GAGE12J: variants seen among roughly 807,000 people sequenced by gnomAD.
GAGE12J encodes the protein G antigen 12J.
Under a neutral mutation model 8.5 loss-of-function variants are expected in GAGE12J, and 5 were observed. The ratio of observed to expected loss-of-function variants is 0.59; its 90% CI spans 0.31 to 1.24. The LOEUF (loss-of-function observed/expected upper bound fraction) is 1.24. Ranked by LOEUF, GAGE12J falls within the 50% of genes most tolerant of loss-of-function variation. The pLI is 0.06. For synonymous variants in GAGE12J, 10 were observed against 19.2 expected (o/e 0.52, Z 1.25); for missense variants, 26 against 63.0 (o/e 0.41, Z 1.99).
At chrX:49,322,474 G>A (rs782428719) in intron 1 of GAGE12J, among the ~76,000 whole-genome samples, 5 of 106,680 alleles carry the variant, frequency 4.7e-5, no homozygotes, top group Admixed American at 9.8e-5. Flanking sequence ...CCTCCGGCGG[G>A]GGCGAGGCGG....
In GAGE12J at chrX:49,328,135, T is replaced by C. The variant is rs1170166171; in HGVS notation, c.332-1136T>C. Among the ~76,000 whole-genome samples the C allele has an allele frequency of 2.6e-5, 2 of 76,233 alleles. 1 individual carries two copies. The highest frequency in any genetic ancestry group is 7.9e-4 in the East Asian group (2 of 2,524). 66.2% of individuals were successfully genotyped at this position (76,233 alleles called of 115,157 possible). ...TTTATTTATTGTTATACTTTAAGTT[T>C]TAGGGTACATGTGCACGTTGTGCAG... On this transcript the variant is annotated intron_variant, in intron 4 of 4. Transcript: ENST00000442437.
intron 3 of GAGE12J, among the ~76,000 whole-genome samples, chrX:49,325,666 C>CTTTAT (rs1382252977): frequency 1.3e-5 from 1 of 79,254 alleles, no homozygotes; most frequent in Non-Finnish European, 3.2e-5. Flanking sequence ...TATTATGGTC[C>CTTTAT]TTTACCCTAT....
chrX:49,322,477 C>T (rs782104844), intron 1 of GAGE12J, among the ~76,000 whole-genome samples: 3 of 106,057 alleles, frequency 2.8e-5, no homozygotes, highest in Non-Finnish European at 6.0e-5. Context: ...CCGGCGGGGG[C>T]GAGGCGGGCG....
Position 49,322,557 on chromosome X carries a change from G to A in GAGE12J, c.-9+413G>A, listed in dbSNP as rs1464911702. The stretch of plus-strand genomic sequence containing the variant: ...CGCCCCCCCCAGCGGTGTGGAGTGC[G>A]GAGCGCCTGAGTGAGAAGCACTGCA... On this transcript the variant is annotated intron_variant, in intron 1 of 4. Transcript: ENST00000442437. Among the ~76,000 whole-genome samples, 4 of 94,914 alleles carry A rather than the reference G, an allele frequency of 4.2e-5. 1 individual carries two copies. Among genetic ancestry groups the A allele is most frequent in the Admixed American group, 1.1e-4 (1 of 9,058 alleles). The allele number at this position is 94,914 out of a possible 115,157, so 82.4% of individuals were successfully genotyped here.
At chrX:49,325,534 T>A (rs1324835522) in intron 3 of GAGE12J, among the ~76,000 whole-genome samples, 4 of 84,309 alleles carry the variant, frequency 4.7e-5, no homozygotes, top group African/African-American at 1.4e-4. Context: ...GTTAATAGCT[T>A]TCGCTTCATC....
At chrX:49,325,545 A>G (rs7051314) in intron 3 of GAGE12J, among the ~76,000 whole-genome samples, 26 of 80,258 alleles carry the variant, frequency 3.2e-4, no homozygotes, top group East Asian at 3.0e-3. Context: ...TCGCTTCATC[A>G]GTTTCACATC....
chrX:49,326,877 G>C (rs6417809), intron 4 of GAGE12J, 62 bp downstream of exon 4: 13,419 of 291,586 alleles, frequency 0.046, 51 homozygotes, highest in Non-Finnish European at 0.066. Flanking sequence ...CATATTGTAA[G>C]TCTTACTATG....
At chrX:49,323,157 C>G (rs1602734662) in intron 1 of GAGE12J, 29 bp from the exon 2 acceptor site, 3 of 1,090,579 alleles carry the variant, frequency 2.8e-6, no homozygotes, top group Non-Finnish European at 1.2e-6. Context: ...GTGGAGCGCA[C>G]GTTCCCAATC....
chrX:49,323,968 G>T, intron 3 of GAGE12J, 105 bp downstream of exon 3: 4 of 1,167,044 alleles, frequency 3.4e-6, no homozygotes, highest in Non-Finnish European at 4.6e-6. Context: ...GTTAGGCATT[G>T]TCACATAGGA....
At chrX:49,325,705 C>G (rs1351325486) in intron 3 of GAGE12J, among the ~76,000 whole-genome samples, 4 of 77,567 alleles carry the variant, frequency 5.2e-5, no homozygotes, top group Non-Finnish European at 9.7e-5. Flanking sequence ...ATCGTCAGAA[C>G]AAAGAGAAAG....
At chrX:49,325,537 G>A (rs1401600590) in intron 3 of GAGE12J, among the ~76,000 whole-genome samples, 20 of 83,155 alleles carry the variant, frequency 2.4e-4, no homozygotes, top group African/African-American at 6.8e-4. Flanking sequence ...AATAGCTTTC[G>A]CTTCATCAGT....
intron 3 of GAGE12J, among the ~76,000 whole-genome samples, chrX:49,324,685 G>T: frequency 1.6e-5 from 1 of 61,696 alleles, no homozygotes; most frequent in Non-Finnish European, 4.0e-5. Context: ...TCTCAGTGCG[G>T]GACAGTATAT....
rs782601414 is a variant in GAGE12J at position 49,323,344 on chromosome X, G to T, written c.84+67G>T. The T allele has an allele frequency of 2.4e-5, 21 of 869,425 alleles. No homozygotes were observed. In the East Asian group the frequency reaches 5.4e-4, roughly 22 times the overall value. The allele number at this position is 869,425 out of a possible 1,213,427, so 71.7% of individuals were successfully genotyped here. ...AATTAATTTTTGTGATAGCGTTGTT[G>T]CATTAGTGTGGAAATGCTGATAAAG... is the stretch of plus-strand genomic sequence containing the variant. On this transcript the variant is annotated intron_variant, in intron 2 of 4. Coordinates refer to ENST00000442437, the MANE Select transcript of GAGE12J (RefSeq NM_001098406.4).
chrX:49,322,173 G>C (rs2066421296), intron 1 of GAGE12J, 29 bp downstream of exon 1: 1 of 400,834 alleles, frequency 2.5e-6, no homozygotes, highest in Non-Finnish European at 3.1e-6. Flanking sequence ...CATCCCGGGG[G>C]CTGAAGTGTG....
chrX:49,323,279 T>C lies in GAGE12J; in HGVS notation c.84+2T>C, dbSNP rs201283431. ...CCTGAAATGATTGGGCCTATGCGGG[T>C]GAGTGCTTGAACGTTAATTCGATGT... On this transcript the variant is annotated splice_donor_variant, in intron 2 of 4. Coordinates refer to ENST00000442437, the MANE Select transcript of GAGE12J (RefSeq NM_001098406.4). LOFTEE classifies it high-confidence loss of function. The C allele has an allele frequency of 1.8e-5, 21 of 1,143,646 alleles. No individual in the cohort carries two copies. In the African/African-American group the frequency reaches 2.5e-4, roughly 14 times the overall value. The allele number at this position is 1,143,646 out of a possible 1,213,427, so 94.2% of individuals were successfully genotyped here.
chrX:49,327,689 C>T (rs2066449600), intron 4 of GAGE12J, among the ~76,000 whole-genome samples: 2 of 1,484 alleles, frequency 1.3e-3, no homozygotes, highest in African/African-American at 1.6e-3. Flanking sequence ...AAACCCTGGC[C>T]CGAGTCATCT....
rs782231355 is a variant in GAGE12J, at chrX:49,322,446, C to T, written c.-9+302C>T. Among the ~76,000 whole-genome samples, 26 of 108,398 alleles carry T rather than the reference C, an allele frequency of 2.4e-4. No homozygotes were observed. In the South Asian group the frequency reaches 5.7e-3, roughly 24 times the overall value. The allele number at this position is 108,398 out of a possible 115,157, so 94.1% of individuals were successfully genotyped here. A position where few individuals can be genotyped will look rare whatever the true frequency, so the allele number is the denominator to read the frequency against. On this transcript the variant is annotated intron_variant, in intron 1 of 4. Coordinates refer to ENST00000442437, the MANE Select transcript of GAGE12J (RefSeq NM_001098406.4). ...GCCGGGAACCCCCGACGACACAGGG[C>T]AGATTCCCTGAATGGGGCCTCCGGC... is the stretch of plus-strand genomic sequence containing the variant.
rs2066450550 is a variant in GAGE12J at position 49,327,996 on chromosome X, A to C, written c.331+1181A>C. Among the ~76,000 whole-genome samples the C allele has an allele frequency of 4.5e-5, 2 of 44,280 alleles. 1 individual carries two copies. Among genetic ancestry groups the C allele is most frequent in the South Asian group, 4.8e-3 (2 of 421 alleles). The allele number at this position is 44,280 out of a possible 115,157, so 38.5% of individuals were successfully genotyped here. On this transcript the variant is annotated intron_variant, in intron 4 of 4. Transcript: ENST00000442437. ...CATGCACAAGCCACCGTGCCTGACTACATTTTTTTGTTTTCATTTTTGTAG... is the reference window on the plus strand; with the variant it reads ...CATGCACAAGCCACCGTGCCTGACTCCATTTTTTTGTTTTCATTTTTGTAG...
chrX:49,324,041 T>TATG (rs2066435251), intron 3 of GAGE12J, among the ~76,000 whole-genome samples, 178 bp downstream of exon 3: 1 of 108,891 alleles, frequency 9.2e-6, no homozygotes, highest in Admixed American at 9.7e-5. Context: ...GCGAGGAGGC[T>TATG]ATGTAGTTTG....
Sources: gnomAD v4.1 joint callset for allele counts (sites outside exome capture counted in the v4.1 genomes callset) on GRCh38, gnomAD v4.1.1 for gene constraint, MANE v1.5 for transcripts, NCBI Gene and HGNC (gene_info 2026-07-23, HGNC 2026-07-21) for gene names.